The following XPA variants were observed in gnomAD, a reference collection of about 807,000 sequenced individuals.
The protein encoded by XPA is XPA, DNA damage recognition and repair factor.
Under a neutral mutation model 35.7 loss-of-function variants are expected in XPA, and 27 were observed. That is an observed-to-expected ratio of 0.76 (90% CI 0.56 to 1.04). The LOEUF is 1.04. Among genes scored for constraint, XPA ranks in the 50% least tolerant of loss-of-function variants. The pLI, the probability that XPA is intolerant of heterozygous loss-of-function variation, is 0.00. For missense variants in XPA, 354 were observed against 342.7 expected (o/e 1.03, Z -0.26); for synonymous variants, 133 against 118.4 (o/e 1.12, Z -0.80).
the XPA span, chr9:97,660,929 C>T: frequency 3.7e-6 from 6 of 1,603,288 alleles, no homozygotes; most frequent in Non-Finnish European, 5.1e-6. Flanking sequence ...TCCCCTTACC[C>T]CCAATTCTGT....
the XPA span, among the ~76,000 whole-genome samples, chr9:97,664,631 C>T: frequency 6.6e-6 from 1 of 152,128 alleles, no homozygotes; most frequent in African/African-American, 2.4e-5. Context: ...CAGGTTGCAG[C>T]GTCTCTTAGC....
At chr9:97,692,086 T>A (rs1587750796) in intron 2 of XPA, among the ~76,000 whole-genome samples, 1 of 151,596 alleles carries the variant, frequency 6.6e-6, no homozygotes. Flanking sequence ...TGAGATTGGG[T>A]GCTCAAGACC....
rs1488155017 is a variant in XPA, at chr9:97,693,639, C to A, written c.283+10G>T. 1 of 1,612,438 alleles carries A rather than the reference C, an allele frequency of 6.2e-7. No individual in the cohort carries two copies. Among genetic ancestry groups the A allele is most frequent in the African/African-American group, 1.3e-5 (1 of 75,014 alleles). On this transcript the variant is annotated intron_variant, in intron 2 of 5. Transcript: ENST00000375128. ...AATCTAGATACTTATTTTTGAAAAACTCACTTTACCTGGTTGATGAACAAC... is the reference window on the plus strand; with the variant it reads ...AATCTAGATACTTATTTTTGAAAAAATCACTTTACCTGGTTGATGAACAAC...
intron 5 of XPA, chr9:97,682,436 G>C (rs1243898689): frequency 3.9e-6 from 2 of 518,854 alleles, no homozygotes; most frequent in Non-Finnish European, 7.7e-6. Context: ...AACCTCTAAA[G>C]TAAATCAACA....
At chr9:97,693,955 G>C (rs1222690362) in intron 1 of XPA, among the ~76,000 whole-genome samples, 196 bp from the exon 2 acceptor site, 1 of 152,186 alleles carries the variant, frequency 6.6e-6, no homozygotes, top group Non-Finnish European at 1.5e-5. Flanking sequence ...AGGCATAAAG[G>C]ATGAAAAGAA....
At chr9:97,656,079 G>T in the XPA span, 4 of 1,613,202 alleles carry the variant, frequency 2.5e-6, no homozygotes, top group South Asian at 1.1e-5. Flanking sequence ...CTAGAAAAAT[G>T]TATGAGGTAA....
chr9:97,658,272 A>C, the XPA span, among the ~76,000 whole-genome samples: 1 of 152,160 alleles, frequency 6.6e-6, no homozygotes, highest in Non-Finnish European at 1.5e-5. Context: ...ATGATTTGTA[A>C]ACACCTTCTC....
intron 5 of XPA, chr9:97,682,059 TTTTTATC>T (rs1454336468): frequency 5.9e-6 from 1 of 170,628 alleles, no homozygotes; most frequent in African/African-American, 1.0e-4. Context: ...TTTCACCTTA[TTTTTATC>T]TATCTATCTA....
the XPA span, among the ~76,000 whole-genome samples, chr9:97,661,729 A>C: frequency 7.5e-6 from 1 of 133,758 alleles, no homozygotes; most frequent in Non-Finnish European, 1.5e-5. Context: ...CATAAGCTTA[A>C]GTGTTTTTTT....
At chr9:97,671,349 T>A, downstream of XPA, 1 of 579,678 alleles carries the variant, frequency 1.7e-6, no homozygotes, top group Non-Finnish European at 3.0e-6. Context: ...AACATGGCAT[T>A]ACTTTTAATT....
chr9:97,697,041 C>A (rs1829069005), intron 1 of XPA, 80 bp downstream of exon 1: 1 of 1,447,836 alleles, frequency 6.9e-7, no homozygotes, highest in Non-Finnish European at 9.1e-7. Context: ...CCCCGGGCCC[C>A]GGGACTCGGC....
the XPA span, chr9:97,666,909 A>G: frequency 1.4e-6 from 2 of 1,411,360 alleles, no homozygotes; most frequent in African/African-American, 1.5e-5. Flanking sequence ...AAGTAGTTAA[A>G]GAAAATATAC....
At chr9:97,667,388 G>C in the XPA span, among the ~76,000 whole-genome samples, 1 of 152,168 alleles carries the variant, frequency 6.6e-6, no homozygotes, top group African/African-American at 2.4e-5. Context: ...GTATTTTCCA[G>C]TGTTATGCAT....
Position 97,689,560 on chromosome 9 carries a change from A to G in XPA, c.363T>C (p.Phe121=), listed in dbSNP as rs1484904169. ...EFMDSYLMNH[F]DLPTCDNCRD... ...TGCAGTTATCACAAGTTGGCAAATC[A>G]AAGTGGTTCATAAGATAAGAATCCA... Residue 121 remains phenylalanine (F), a synonymous_variant, in exon 3 of 6, where the codon TTT becomes TTC. Transcript: ENST00000375128. 1 of 1,612,654 alleles carries G rather than the reference A, an allele frequency of 6.2e-7. No homozygotes were observed. Among genetic ancestry groups the G allele is most frequent in the Admixed American group, 1.7e-5 (1 of 60,020 alleles).
the XPA span, chr9:97,668,968 A>G: frequency 6.2e-7 from 1 of 1,608,744 alleles, no homozygotes; most frequent in Non-Finnish European, 8.5e-7. Context: ...TCCTCGTTAT[A>G]TTTCAGGTAT....
chr9:97,674,454 A>G (rs1828289325), downstream of XPA, among the ~76,000 whole-genome samples: 1 of 152,102 alleles, frequency 6.6e-6, no homozygotes, highest in Non-Finnish European at 1.5e-5. Context: ...TAAACTTCCT[A>G]TTCTATTTGT....
At chr9:97,670,298 T>G (rs943092978), downstream of XPA, among the ~76,000 whole-genome samples, 8 of 152,160 alleles carry the variant, frequency 5.3e-5, no homozygotes, top group African/African-American at 1.9e-4. Flanking sequence ...GGACAGTAAT[T>G]GGATTTATAA....
the XPA span, among the ~76,000 whole-genome samples, chr9:97,668,307 A>AT: frequency 6.6e-6 from 1 of 152,216 alleles, no homozygotes; most frequent in African/African-American, 2.4e-5. Context: ...ATTAAATTCT[A>AT]TAAACTCTTC....
the XPA span, among the ~76,000 whole-genome samples, chr9:97,656,999 C>T: frequency 7.9e-5 from 12 of 152,046 alleles, no homozygotes; most frequent in Admixed American, 2.0e-4. Flanking sequence ...GTTGGAGTCT[C>T]GCTCTGTCAC....
Sources: allele counts gnomAD v4.1 joint callset (sites outside exome capture counted in the v4.1 genomes callset), GRCh38; gene constraint gnomAD v4.1.1; transcripts MANE v1.5; gene names NCBI Gene and HGNC (gene_info 2026-07-23, HGNC 2026-07-21).